The following CA5A variants were observed in gnomAD, a reference collection of about 807,000 sequenced individuals.
The protein encoded by CA5A is carbonic anhydrase 5A, mitochondrial.
Under a neutral mutation model 37.1 loss-of-function variants are expected in CA5A, and 28 were observed. That is an observed-to-expected ratio of 0.75 (90% CI 0.56 to 1.03). The LOEUF is 1.03. Ranked by LOEUF, CA5A falls within the 50% of genes least tolerant of loss-of-function variation. CA5A has a pLI of 0.00. For synonymous variants in CA5A, 171 were observed against 158.4 expected (o/e 1.08, Z -0.60); for missense variants, 444 against 399.9 (o/e 1.11, Z -0.94).
Position 87,904,908 on chromosome 16 carries a change from G to A in CA5A, c.341-4C>T, listed in dbSNP as rs1468247745. On this transcript the variant is annotated splice_region_variant and splice_polypyrimidine_tract_variant and intron_variant, in intron 2 of 6. Coordinates refer to ENST00000649794, the MANE Select transcript of CA5A (RefSeq NM_001739.2). ...TCCAAGGGCCCACCACTAATTCCTGGAAATAAAGGCAGTGAGACGTGTGTG... is the reference window on the plus strand; with the variant it reads ...TCCAAGGGCCCACCACTAATTCCTGAAAATAAAGGCAGTGAGACGTGTGTG... 4 of 1,579,854 alleles carry A rather than the reference G, an allele frequency of 2.5e-6. No individual in the cohort carries two copies. Among genetic ancestry groups the A allele is most frequent in the Non-Finnish European group, 3.5e-6 (4 of 1,148,836 alleles).
In CA5A at chr16:87,926,763, C is replaced by G; in HGVS notation, c.325G>C (p.Ala109Pro). 1 of 1,613,498 alleles carries G rather than the reference C, an allele frequency of 6.2e-7. No homozygotes were observed. Among genetic ancestry groups the G allele is most frequent in the Non-Finnish European group, 8.5e-7 (1 of 1,179,596 alleles). Residue 109 changes from alanine (A) to proline (P), a missense_variant, in exon 2 of 7, where the codon GCC becomes CCC. Transcript: ENST00000649794. ...TGGCACTCACCTGATGCCTCGGTGG[C>G]ATCGTCAAATTCCACCTGGAAGAGG... ...GYLFQVEFDD[A>P]TEASGISGGP...
chr16:87,925,766 G>A (rs904181332), intron 2 of CA5A: 1 of 152,236 alleles, frequency 6.6e-6, no homozygotes, highest in Non-Finnish European at 1.5e-5. Context: ...AACCCAGTAA[G>A]GGCTTGGTGG....
intron 2 of CA5A, among the ~76,000 whole-genome samples, chr16:87,921,278 C>G (rs1385342446): frequency 1.3e-5 from 2 of 152,232 alleles, no homozygotes; most frequent in Non-Finnish European, 2.9e-5. Context: ...GTGATAGGAA[C>G]TTAAACTGAT....
chr16:87,927,482 C>G (rs1387864407), intron 1 of CA5A, among the ~76,000 whole-genome samples: 3 of 152,174 alleles, frequency 2.0e-5, no homozygotes, highest in African/African-American at 4.8e-5. Context: ...GAAAATTAAG[C>G]AGAGTGGCAG....
intron 2 of CA5A, among the ~76,000 whole-genome samples, chr16:87,915,251 CAG>C (rs1294369742): frequency 6.6e-6 from 1 of 152,216 alleles, no homozygotes. Context: ...CAAACTCCCT[CAG>C]AGTCACGAAA....
At chr16:87,895,372 C>A (rs978703427) in intron 5 of CA5A, among the ~76,000 whole-genome samples, 2 of 152,092 alleles carry the variant, frequency 1.3e-5, no homozygotes, top group African/African-American at 4.8e-5. Context: ...ATGGCGAAAC[C>A]ATGTCTCTAC....
chr16:87,901,500 T>C (rs1403738116), intron 5 of CA5A, among the ~76,000 whole-genome samples: 1 of 152,242 alleles, frequency 6.6e-6, no homozygotes, highest in Non-Finnish European at 1.5e-5. Context: ...GGCGGGGCTC[T>C]TTCCACTACG....
In CA5A at chr16:87,892,026, G is replaced by A. The variant is rs377215204; in HGVS notation, c.619-72C>T. On this transcript the variant is annotated intron_variant, in intron 5 of 6. Coordinates refer to ENST00000649794, the MANE Select transcript of CA5A (RefSeq NM_001739.2). The stretch of plus-strand genomic sequence containing the variant: ...AGGAGCTTCCATCTTGTCTCAGCAC[G>A]TGAGGCCTTCATGGTGCTTGGAAGG... The A allele has an allele frequency of 3.2e-5, 44 of 1,360,206 alleles. No individual in the cohort carries two copies. In the African/African-American group the frequency reaches 4.6e-4, roughly 14 times the overall value. The allele number at this position is 1,360,206 out of a possible 1,614,324, so 84.3% of individuals were successfully genotyped here.
intron 5 of CA5A, chr16:87,893,660 C>T (rs766323109): frequency 2.7e-5 from 16 of 598,868 alleles, no homozygotes; most frequent in Admixed American, 1.2e-4. Flanking sequence ...ACAAGATAGC[C>T]GAGGCTCGGG....
At chr16:87,907,052 A>G (rs943051337) in intron 2 of CA5A, among the ~76,000 whole-genome samples, 3 of 152,020 alleles carry the variant, frequency 2.0e-5, no homozygotes, top group Non-Finnish European at 4.4e-5. Context: ...CCTCATCTCT[A>G]CTAAAAATAC....
intron 2 of CA5A, among the ~76,000 whole-genome samples, chr16:87,915,526 ATTTTTTT>A (rs59358304): frequency 5.8e-4 from 42 of 73,014 alleles, no homozygotes; most frequent in South Asian, 2.1e-3. Context: ...CTGTGTCAAA[ATTTTTTT>A]TTTTTTTTTT....
intron 2 of CA5A, among the ~76,000 whole-genome samples, chr16:87,910,159 G>T (rs1347105964): frequency 1.3e-5 from 2 of 152,220 alleles, no homozygotes; most frequent in African/African-American, 2.4e-5. Flanking sequence ...CTGATTAAGG[G>T]GCAAAGGCTC....
chr16:87,928,760 G>GTTTTTTTTTTTTTTTT (rs60994571), intron 1 of CA5A, among the ~76,000 whole-genome samples: 1 of 57,924 alleles, frequency 1.7e-5, no homozygotes. Context: ...TCTTTTCTTT[G>GTTTTTTTTTTTTTTTT]TTTTTTTTTT....
intron 4 of CA5A, chr16:87,882,491 C>T (rs936929269): frequency 1.1e-4 from 16 of 152,350 alleles, no homozygotes; most frequent in African/African-American, 1.9e-4. Flanking sequence ...TGGAACTTGT[C>T]GCAACTCAAT....
chr16:87,923,852 T>C (rs7499404), intron 2 of CA5A: 101,831 of 984,086 alleles, frequency 0.1, 5,770 homozygotes, highest in East Asian at 0.24. Flanking sequence ...ATGACAACTA[T>C]TGTTCTCAAA....
intron 2 of CA5A, among the ~76,000 whole-genome samples, chr16:87,922,833 C>T (rs756739864): frequency 1.3e-5 from 2 of 152,270 alleles, no homozygotes; most frequent in Admixed American, 6.5e-5. Context: ...ACGGTGCCTG[C>T]TCCCCAGATT....
chr16:87,926,889 T>C lies in CA5A; in HGVS notation c.199A>G (p.Ile67Val). The C allele has an allele frequency of 1.2e-6, 2 of 1,610,448 alleles. No homozygotes were observed. The highest frequency in any genetic ancestry group is 2.7e-5 in the African/African-American group (2 of 75,008). ...SVPGGTRQSP[I>V]NIQWRDSVYD... The stretch of plus-strand genomic sequence containing the variant: ...ACGCTGTCCCTCCACTGGATGTTAA[T>C]AGGAGACTGCCGGGTGCCCCCTGGC... The change falls in exon 2 of 7, where the codon ATT becomes GTT. Residue 67 changes from isoleucine to valine, a missense_variant. Transcript: ENST00000649794.
At position 87,913,654 on chromosome 16, in the gene CA5A, C is replaced by T. The variant is rs551632252; in HGVS notation, c.341-8750G>A. Among the ~76,000 whole-genome samples, 145 of 135,136 alleles carry T rather than the reference C, an allele frequency of 1.1e-3. 1 individual carries two copies. Among genetic ancestry groups the T allele is most frequent in the African/African-American group, 4.2e-3 (130 of 30,944 alleles). The allele number at this position is 135,136 out of a possible 152,430, so 88.7% of individuals were successfully genotyped here. ...TCCCATCTGAGTGTCTGTGCCGTGG[C>T]CCCCCCCTCCTCTCCAATACGAAGA... is the stretch of plus-strand genomic sequence containing the variant. On this transcript the variant is annotated intron_variant, in intron 2 of 6. Transcript: ENST00000649794.
intron 2 of CA5A, among the ~76,000 whole-genome samples, chr16:87,910,018 T>C (rs2056027278): frequency 6.6e-6 from 1 of 152,154 alleles, no homozygotes; most frequent in South Asian, 2.1e-4. Context: ...AGGACTGCTG[T>C]TACGGTTAAG....
Sources: allele counts gnomAD v4.1 joint callset (sites outside exome capture counted in the v4.1 genomes callset), GRCh38; gene constraint gnomAD v4.1.1; transcripts MANE v1.5; gene names NCBI Gene and HGNC (gene_info 2026-07-23, HGNC 2026-07-21).